Variants in ZNF140 observed in about 807,000 individuals in gnomAD.
ZNF140 encodes zinc finger protein 140 (clone pHZ-39).
ZNF140 carries 13 observed loss-of-function variants against 12.9 expected under a neutral mutation model. That is an observed-to-expected ratio of 1.01 (90% CI 0.66 to 1.60). The LOEUF (loss-of-function observed/expected upper bound fraction) is 1.60. Among genes scored for constraint, ZNF140 ranks in the 40% most tolerant of loss-of-function variants. ZNF140 has a pLI of 0.00. For synonymous variants in ZNF140, 214 were observed against 186.7 expected, an observed-to-expected ratio of 1.15 and a Z score of -1.19; for missense variants, 531 against 548.8, an observed-to-expected ratio of 0.97 and a Z score of 0.32.
chr12:133,085,937 T>A (rs2137492991), intron 4 of ZNF140, among the ~76,000 whole-genome samples: 1 of 152,334 alleles, frequency 6.6e-6, no homozygotes, highest in African/African-American at 2.4e-5. Flanking sequence ...GAGAACCACT[T>A]GAGCCTAGGA....
At chr12:133,100,356 A>G (rs1955303028) in intron 4 of ZNF140, among the ~76,000 whole-genome samples, 1 of 151,684 alleles carries the variant, frequency 6.6e-6, no homozygotes, top group African/African-American at 2.4e-5. Context: ...TTTTTTAGAG[A>G]TGGGTGCTCC....
At chr12:133,105,192 T>C (rs898548696) in intron 4 of ZNF140, among the ~76,000 whole-genome samples, 1 of 152,210 alleles carries the variant, frequency 6.6e-6, no homozygotes, top group Middle Eastern at 3.2e-3. Flanking sequence ...TTTTAGATAA[T>C]TCTGGCAGTA....
At chr12:133,082,437 C>G (rs1246421953) in intron 2 of ZNF140, 2 of 152,330 alleles carry the variant, frequency 1.3e-5, no homozygotes, top group Admixed American at 6.5e-5. Flanking sequence ...GTGGATCACT[C>G]AAGTGGTGCA....
intron 4 of ZNF140, among the ~76,000 whole-genome samples, chr12:133,102,760 A>AAAAG (rs1955395310): frequency 2.6e-5 from 4 of 151,156 alleles, no homozygotes; most frequent in African/African-American, 7.3e-5. Flanking sequence ...TAAAAAAAAA[A>AAAAG]AAAAGAAAAA....
At chr12:133,095,750 T>C (rs981898921) in intron 4 of ZNF140, among the ~76,000 whole-genome samples, 2 of 151,266 alleles carry the variant, frequency 1.3e-5, no homozygotes, top group Admixed American at 6.6e-5. Context: ...AGAATCTATG[T>C]CATAATTAGG....
chr12:133,099,091 G>C (rs983935719), intron 4 of ZNF140, among the ~76,000 whole-genome samples: 1 of 152,090 alleles, frequency 6.6e-6, no homozygotes, highest in African/African-American at 2.4e-5. Flanking sequence ...GGCCAGGCTG[G>C]TCTCCAACTC....
intron 4 of ZNF140, chr12:133,084,137 TA>T: frequency 6.9e-6 from 3 of 433,098 alleles, no homozygotes; most frequent in Non-Finnish European, 1.4e-5. Context: ...TTCCCATTGT[TA>T]GTTCTGTCTG....
chr12:133,081,913 AC>A (rs1184297953), intron 2 of ZNF140: 1 of 162,792 alleles, frequency 6.1e-6, no homozygotes, highest in Non-Finnish European at 1.4e-5. Context: ...CTTGAGTCCT[AC>A]CCCAGACCTT....
intron 4 of ZNF140, among the ~76,000 whole-genome samples, chr12:133,094,732 A>ACGAGCCAAGTCGCAGCAAG (rs1955006746): frequency 6.6e-6 from 1 of 151,316 alleles, no homozygotes; most frequent in East Asian, 1.9e-4. Flanking sequence ...AATGAGTGCC[A>ACGAGCCAAGTCGCAGCAAG]CGAGCCAAGT....
intron 4 of ZNF140, among the ~76,000 whole-genome samples, chr12:133,089,311 C>G (rs1403969988): frequency 1.3e-5 from 2 of 151,946 alleles, no homozygotes; most frequent in African/African-American, 4.8e-5. Context: ...TTCCCCCGGC[C>G]CAGGTGATCC....
rs1593734785 is a variant in ZNF140 at position 133,081,371 on chromosome 12, A to ATATATATATATATATAT, written c.9+42_9+43insTATATATATATATATAT. 2.7e-3 allele frequency: 674 copies of ATATATATATATATATAT among 251,474 alleles called. 19 individuals are homozygous for ATATATATATATATATAT. Among genetic ancestry groups the ATATATATATATATATAT allele is most frequent in the Admixed American group, 3.9e-3 (58 of 14,696 alleles). The allele number at this position is 251,474 out of a possible 1,614,324, so 15.6% of individuals were successfully genotyped here. On this transcript the variant is annotated intron_variant, in intron 2 of 4. Transcript: ENST00000355557. ...TAAATATATATATATATATATATAT[A>ATATATATATATATATAT]AATTTTTATTTTTTTTTTAAGAGAG... is the stretch of plus-strand genomic sequence containing the variant.
intron 4 of ZNF140, among the ~76,000 whole-genome samples, chr12:133,097,372 G>T (rs919028615): frequency 1.3e-5 from 2 of 152,086 alleles, no homozygotes; most frequent in Admixed American, 6.5e-5. Flanking sequence ...GGCTGGGTGT[G>T]GTGGCTCACG....
At chr12:133,088,528 G>A (rs1283496932) in intron 4 of ZNF140, among the ~76,000 whole-genome samples, 3 of 152,192 alleles carry the variant, frequency 2.0e-5, no homozygotes, top group Non-Finnish European at 4.4e-5. Flanking sequence ...CATTGTGGTT[G>A]CTTCCAAAGT....
rs375549886 is a variant in ZNF140, at chr12:133,095,398, C to T, written c.233-10112C>T. On this transcript the variant is annotated intron_variant, in intron 4 of 4. Coordinates refer to ENST00000355557, the MANE Select transcript of ZNF140 (RefSeq NM_003440.4). ...ACTGTGGATGTACTTGGGAATCTCT[C>T]GTCGGCTGTCCTCAATGCTCACGTT... 6.6e-5 allele frequency among the ~76,000 whole-genome samples: 10 copies of T among 150,948 alleles called. 1 individual carries two copies. Among genetic ancestry groups the T allele is most frequent in the African/African-American group, 1.5e-4 (6 of 40,698 alleles).
chr12:133,084,424 G>A (rs1195017633), intron 4 of ZNF140, among the ~76,000 whole-genome samples: 2 of 152,212 alleles, frequency 1.3e-5, no homozygotes, highest in East Asian at 1.9e-4. Flanking sequence ...ACTAGAGAGT[G>A]TGCAAAAGTG....
rs1566325616 is a variant in ZNF140 at position 133,106,059 on chromosome 12, C to G, written c.782C>G (p.Thr261Ser). Residue 261 changes from threonine to serine, a missense_variant, in exon 5 of 5, where the codon ACT becomes AGT. Transcript: ENST00000355557. ...GKAFSRASNLTRHQRIHIGKK... is the reference protein window; with the variant it reads ...GKAFSRASNLSRHQRIHIGKK... The stretch of plus-strand genomic sequence containing the variant: ...GCCTTTAGCCGTGCCTCCAACCTCA[C>G]TCGACATCAAAGAATTCACATAGGA... The G allele has an allele frequency of 6.2e-7, 1 of 1,614,088 alleles. No homozygotes were observed. The highest frequency in any genetic ancestry group is 1.3e-5 in the African/African-American group (1 of 75,018).
At position 133,098,099 on chromosome 12, in the gene ZNF140, G is replaced by A. The variant is rs1465417056; in HGVS notation, c.233-7411G>A. Among the ~76,000 whole-genome samples the A allele has an allele frequency of 4.6e-5, 7 of 152,048 alleles. No individual in the cohort carries two copies. The East Asian group carries it at 1.4e-3, about 29-fold the overall frequency. ...TCTGCCCACCTCGACCTCCCAAAGT[G>A]CTGGGATTACAGGCGTGAGCCTACG... On this transcript the variant is annotated intron_variant, in intron 4 of 4. Coordinates refer to ENST00000355557, the MANE Select transcript of ZNF140 (RefSeq NM_003440.4).
rs1175831484 is a variant in ZNF140 at position 133,081,693 on chromosome 12, G to A, written c.9+364G>A. On this transcript the variant is annotated intron_variant, in intron 2 of 4. Transcript: ENST00000355557. ...GCGGGGTTTCTGACCTGGCTGGCAT[G>A]TTTTAGGGTGAGAGGGTAGGGTGCC... is the stretch of plus-strand genomic sequence containing the variant. 14 of 399,396 alleles carry A rather than the reference G, an allele frequency of 3.5e-5. No individual in the cohort carries two copies. The East Asian group carries it at 3.8e-4, about 11-fold the overall frequency. 24.7% of individuals were successfully genotyped at this position (399,396 alleles called of 1,614,324 possible). A position where few individuals can be genotyped will look rare whatever the true frequency, so the allele number is the denominator to read the frequency against.
chr12:133,086,684 A>AT (rs1331554504), intron 4 of ZNF140, among the ~76,000 whole-genome samples: 39 of 152,048 alleles, frequency 2.6e-4, no homozygotes, highest in African/African-American at 9.2e-4. Flanking sequence ...TATGTTTAGT[A>AT]TTTTTTTAGC....
Sources: allele counts gnomAD v4.1 joint callset (sites outside exome capture counted in the v4.1 genomes callset), GRCh38; gene constraint gnomAD v4.1.1; transcripts MANE v1.5; gene names NCBI Gene and HGNC (gene_info 2026-07-23, HGNC 2026-07-21).